Variants in PXDNL observed in about 807,000 individuals in gnomAD.
The protein encoded by PXDNL is probable oxidoreductase PXDNL.
Under a neutral mutation model 150.8 loss-of-function variants are expected in PXDNL, and 145 were observed. That is an observed-to-expected ratio of 0.96 (90% CI 0.84 to 1.10). The LOEUF is 1.10. Among genes scored for constraint, PXDNL ranks in the 50% least tolerant of loss-of-function variants. The pLI is 0.00. For missense variants in PXDNL, 2,087 were observed against 1,873.9 expected, an observed-to-expected ratio of 1.11 and a Z score of -2.10; for synonymous variants, 757 against 725.7, an observed-to-expected ratio of 1.04 and a Z score of -0.69.
At chr8:51,649,637 T>C (rs899349234) in intron 2 of PXDNL, among the ~76,000 whole-genome samples, 1 of 152,132 alleles carries the variant, frequency 6.6e-6, no homozygotes, top group African/African-American at 2.4e-5. Flanking sequence ...ATATTTCTAG[T>C]TGGGGGGGAG....
rs546795464 is a variant in PXDNL, at chr8:51,761,124, C to T, written c.164+48057G>A. Among the ~76,000 whole-genome samples, 363 of 150,630 alleles carry T rather than the reference C, an allele frequency of 2.4e-3. 2 individuals carry two copies. The highest frequency in any genetic ancestry group is 4.3e-3 in the Non-Finnish European group (288 of 67,728). On this transcript the variant is annotated intron_variant, in intron 1 of 22. Transcript: ENST00000356297. The stretch of plus-strand genomic sequence containing the variant: ...TGCTGACCTCGTGATCCGCCCGCCT[C>T]GGCCTCCCAAAGTGCTAGGATTACA...
At chr8:51,560,621 T>C (rs1211802546) in intron 3 of PXDNL, among the ~76,000 whole-genome samples, 1 of 151,908 alleles carries the variant, frequency 6.6e-6, no homozygotes, top group South Asian at 2.1e-4. Context: ...AGAATAAAAC[T>C]GGAACCTTGT....
chr8:51,334,120 C>CAGTT (rs879754719), intron 21 of PXDNL, among the ~76,000 whole-genome samples: 33,014 of 151,068 alleles, frequency 0.22, 3,793 homozygotes, highest in Middle Eastern at 0.3. Flanking sequence ...ATCAAGCATT[C>CAGTT]TCGCAGACCA....
chr8:51,493,664 T>G (rs958121860), intron 5 of PXDNL, among the ~76,000 whole-genome samples: 37 of 152,230 alleles, frequency 2.4e-4, no homozygotes, highest in Admixed American at 2.2e-3. Context: ...TTTGATCATG[T>G]GGAAGAAACT....
At chr8:51,537,461 C>A (rs928232445) in intron 4 of PXDNL, among the ~76,000 whole-genome samples, 1 of 152,212 alleles carries the variant, frequency 6.6e-6, no homozygotes, top group African/African-American at 2.4e-5. Flanking sequence ...AAATTTTATT[C>A]TCCCCTCTAG....
intron 5 of PXDNL, among the ~76,000 whole-genome samples, chr8:51,487,730 A>T (rs1810797497): frequency 6.6e-6 from 1 of 152,222 alleles, no homozygotes; most frequent in Admixed American, 6.5e-5. Flanking sequence ...AACTTGGTAA[A>T]GTGAAGATTT....
chr8:51,799,816 C>G (rs1456974677), intron 1 of PXDNL, among the ~76,000 whole-genome samples: 1 of 152,164 alleles, frequency 6.6e-6, no homozygotes, highest in African/African-American at 2.4e-5. Context: ...AGGGTGCCAA[C>G]TAGAGAGATG....
At chr8:51,433,339 T>G (rs1809306678) in intron 12 of PXDNL, among the ~76,000 whole-genome samples, 1 of 151,846 alleles carries the variant, frequency 6.6e-6, no homozygotes, top group African/African-American at 2.4e-5. Flanking sequence ...ATATTTTATT[T>G]CTATGTTGCT....
chr8:51,501,525 T>A lies in PXDNL; in HGVS notation c.381-1755A>T, dbSNP rs189846867. Among the ~76,000 whole-genome samples, 887 of 151,490 alleles carry A rather than the reference T, an allele frequency of 5.9e-3. 5 individuals carry two copies. The highest frequency in any genetic ancestry group is 9.1e-3 in the Non-Finnish European group (619 of 67,776). On this transcript the variant is annotated intron_variant, in intron 4 of 22. Transcript: ENST00000356297. ...TCGTGCACACTCACACTTGTTCACA[T>A]ACACTCTCACATACACTAACACACA...
chr8:51,399,135 GTGAATA>G (rs1471610088), intron 17 of PXDNL, among the ~76,000 whole-genome samples: 6 of 152,188 alleles, frequency 3.9e-5, no homozygotes, highest in Non-Finnish European at 8.8e-5. Flanking sequence ...GCCAGTGGGA[GTGAATA>G]ATATTACAAC....
At chr8:51,675,416 C>T (rs1815592233) in intron 1 of PXDNL, among the ~76,000 whole-genome samples, 2 of 152,164 alleles carry the variant, frequency 1.3e-5, no homozygotes, top group Non-Finnish European at 2.9e-5. Flanking sequence ...AATCAGACAG[C>T]ATCCCTCATC....
At chr8:51,644,423 T>TACAC (rs368373901) in intron 2 of PXDNL, among the ~76,000 whole-genome samples, 1 of 117,820 alleles carries the variant, frequency 8.5e-6, no homozygotes, top group East Asian at 2.8e-4. Flanking sequence ...TGTATATATA[T>TACAC]ACACATATGT....
At chr8:51,592,731 A>G in intron 2 of PXDNL, 33 bp from the exon 3 acceptor site, 1 of 1,444,678 alleles carries the variant, frequency 6.9e-7, no homozygotes, top group South Asian at 1.3e-5. Flanking sequence ...ATAATTCCCA[A>G]ATGAGAAACA....
chr8:51,479,946 A>G (rs1340007392), intron 6 of PXDNL, among the ~76,000 whole-genome samples: 1 of 152,210 alleles, frequency 6.6e-6, no homozygotes, highest in Non-Finnish European at 1.5e-5. Context: ...GAACACCAAG[A>G]AGACTGGGAA....
intron 21 of PXDNL, 181 bp from the exon 22 acceptor site, chr8:51,321,078 G>A (rs1321338442): frequency 3.6e-6 from 2 of 557,180 alleles, no homozygotes; most frequent in Non-Finnish European, 6.3e-6. Flanking sequence ...GAATCATCCA[G>A]TATCCAAACA....
chr8:51,634,604 C>T (rs116709071), intron 2 of PXDNL, among the ~76,000 whole-genome samples: 3,004 of 152,186 alleles, frequency 0.02, 100 homozygotes, highest in African/African-American at 0.07. Context: ...TTCTTCCAAT[C>T]CATGAGCATG....
At chr8:51,776,054 C>T (rs546809651) in intron 1 of PXDNL, among the ~76,000 whole-genome samples, 118 of 152,270 alleles carry the variant, frequency 7.7e-4, no homozygotes, top group Admixed American at 1.4e-3. Context: ...AAATAAGCCC[C>T]GGTCTCCTGT....
At chr8:51,584,862 T>A (rs951558048) in intron 3 of PXDNL, among the ~76,000 whole-genome samples, 2 of 152,170 alleles carry the variant, frequency 1.3e-5, no homozygotes, top group South Asian at 2.1e-4. Context: ...AAAAGATGAC[T>A]AGTCGCCCTT....
intron 19 of PXDNL, among the ~76,000 whole-genome samples, chr8:51,358,359 C>T (rs564129399): frequency 5.3e-5 from 8 of 152,216 alleles, no homozygotes; most frequent in South Asian, 2.1e-4. Context: ...AGAGCTTTTT[C>T]GTCTTCAAAG....
Sources: gnomAD v4.1 joint callset for allele counts (sites outside exome capture counted in the v4.1 genomes callset) on GRCh38, gnomAD v4.1.1 for gene constraint, MANE v1.5 for transcripts, NCBI Gene and HGNC (gene_info 2026-07-23, HGNC 2026-07-21) for gene names.